The following RBFOX1 variants were observed in gnomAD, a reference collection of about 807,000 sequenced individuals.
RBFOX1 encodes RNA binding fox-1 homolog 1, also known as RNA binding protein fox-1 homolog 1.
RBFOX1 carries 8 observed loss-of-function variants against 57.7 expected under a neutral mutation model. That is an observed-to-expected ratio of 0.14 (90% CI 0.08 to 0.25). The LOEUF (loss-of-function observed/expected upper bound fraction) is 0.25, where lower values mean the gene tolerates loss of function less well. Among genes scored for constraint, RBFOX1 ranks in the 10% least tolerant of loss-of-function variants. RBFOX1 has a pLI of 1.00. For synonymous variants in RBFOX1, 326 were observed against 222.4 expected (o/e 1.47, Z -4.15); for missense variants, 611 against 548.5 (o/e 1.11, Z -1.14).
chr16:6,472,961 G>C (rs1159625486), intron 2 of RBFOX1, among the ~76,000 whole-genome samples: 2 of 152,046 alleles, frequency 1.3e-5, no homozygotes, highest in African/African-American at 4.8e-5. Flanking sequence ...AAGAATTGTT[G>C]TAAGGAAGAT....
chr16:5,489,710 C>T (rs935837860), intron 2 of RBFOX1, among the ~76,000 whole-genome samples: 5 of 152,186 alleles, frequency 3.3e-5, no homozygotes, highest in African/African-American at 9.6e-5. Context: ...TGACCTCTCT[C>T]GGCCTTGCCA....
intron 4 of RBFOX1, among the ~76,000 whole-genome samples, chr16:6,000,106 C>G (rs976106841): frequency 1.4e-4 from 22 of 151,910 alleles, no homozygotes; most frequent in African/African-American, 5.1e-4. Context: ...AAGGCCTTAC[C>G]TCCTCCTATT....
At chr16:5,883,835 C>T (rs1273285145) in intron 4 of RBFOX1, among the ~76,000 whole-genome samples, 1 of 152,100 alleles carries the variant, frequency 6.6e-6, no homozygotes, top group Non-Finnish European at 1.5e-5. Context: ...TTTCTTTTCC[C>T]AGTGACCTAA....
rs564241410 is a variant in RBFOX1, at chr16:7,385,732, C to T, written c.28-132415C>T. ...GTTTGTCATGGTGGTTATTATTGTA[C>T]ATGTGAGACTTTTAGCTTTTAAGGT... is the stretch of plus-strand genomic sequence containing the variant. On this transcript the variant is annotated intron_variant, in intron 4 of 15. Coordinates refer to ENST00000550418, the MANE Select transcript of RBFOX1 (RefSeq NM_018723.4). Among the ~76,000 whole-genome samples, 21 of 152,078 alleles carry T rather than the reference C, an allele frequency of 1.4e-4. No homozygotes were observed. In the South Asian group the frequency reaches 4.1e-3, roughly 30 times the overall value.
intron 3 of RBFOX1, among the ~76,000 whole-genome samples, chr16:5,727,214 G>C (rs199881001): frequency 6.6e-6 from 1 of 152,188 alleles, no homozygotes; most frequent in Admixed American, 6.5e-5. Flanking sequence ...AGAGGTGGCA[G>C]TGAGCCAAGA....
intron 3 of RBFOX1, among the ~76,000 whole-genome samples, chr16:6,967,204 C>T (rs115484588): frequency 6.6e-6 from 1 of 151,966 alleles, no homozygotes; most frequent in Non-Finnish European, 1.5e-5. Context: ...ATACATTGAT[C>T]CATCTCTCCA....
intron 3 of RBFOX1, among the ~76,000 whole-genome samples, chr16:5,794,431 A>T (rs73530008): frequency 0.024 from 3,598 of 152,090 alleles, 138 homozygotes; most frequent in African/African-American, 0.08. Flanking sequence ...GCACTGTGTG[A>T]TCTATAAAAT....
chr16:5,330,043 C>T (rs1473075451), intron 1 of RBFOX1, among the ~76,000 whole-genome samples: 1 of 151,822 alleles, frequency 6.6e-6, no homozygotes, highest in African/African-American at 2.4e-5. Context: ...TTGCCGTGTC[C>T]TCACATGGTA....
chr16:6,607,102 G>A (rs1216042040), intron 2 of RBFOX1, among the ~76,000 whole-genome samples: 3 of 152,038 alleles, frequency 2.0e-5, no homozygotes. Context: ...CAAACCTACT[G>A]ACTAATAGTC....
At chr16:5,989,092 G>C (rs1218803196) in intron 4 of RBFOX1, among the ~76,000 whole-genome samples, 4 of 151,744 alleles carry the variant, frequency 2.6e-5, no homozygotes, top group Non-Finnish European at 5.9e-5. Context: ...AGGCCGAGGC[G>C]GGTGGATCAC....
At chr16:5,859,755 G>A (rs769430268) in intron 3 of RBFOX1, among the ~76,000 whole-genome samples, 42 of 152,204 alleles carry the variant, frequency 2.8e-4, no homozygotes, top group Non-Finnish European at 5.0e-4. Flanking sequence ...ATAAAATTAT[G>A]GAATCAGAGA....
intron 3 of RBFOX1, among the ~76,000 whole-genome samples, chr16:6,901,611 A>G (rs1188810889): frequency 1.3e-5 from 2 of 152,226 alleles, no homozygotes; most frequent in South Asian, 2.1e-4. Flanking sequence ...GGGGAAAAAT[A>G]GACATTTTTG....
intron 2 of RBFOX1, among the ~76,000 whole-genome samples, chr16:6,504,002 C>G (rs1036283383): frequency 6.6e-6 from 1 of 152,162 alleles, no homozygotes; most frequent in African/African-American, 2.4e-5. Flanking sequence ...TAAGAGCAGC[C>G]TTCTATTTGC....
intron 2 of RBFOX1, among the ~76,000 whole-genome samples, chr16:6,492,975 G>A (rs1429847216): frequency 2.0e-5 from 3 of 152,186 alleles, no homozygotes; most frequent in Non-Finnish European, 4.4e-5. Context: ...GACTAAGAGA[G>A]GGGCAGGGAA....
At chr16:7,129,650 C>CA (rs1191476279) in intron 4 of RBFOX1, among the ~76,000 whole-genome samples, 1 of 151,936 alleles carries the variant, frequency 6.6e-6, no homozygotes, top group Non-Finnish European at 1.5e-5. Flanking sequence ...ATAATGTGGA[C>CA]ATTAGGAAGA....
Position 7,529,796 on chromosome 16 carries a change from G to A in RBFOX1, c.270+11407G>A, listed in dbSNP as rs2079561925. ...GGCTGAGACGGGCAGATCACTTGAG[G>A]TCAGGAGTTCGAGACCAGCCTAGTC... is the stretch of plus-strand genomic sequence containing the variant. On this transcript the variant is annotated intron_variant, in intron 5 of 15. Transcript: ENST00000550418. Among the ~76,000 whole-genome samples, 3 of 152,122 alleles carry A rather than the reference G, an allele frequency of 2.0e-5. No homozygotes were observed. The South Asian group carries it at 6.2e-4, about 32-fold the overall frequency.
chr16:5,389,656 G>A (rs1018868775), intron 1 of RBFOX1, among the ~76,000 whole-genome samples: 1 of 151,042 alleles, frequency 6.6e-6, no homozygotes, highest in African/African-American at 2.4e-5. Context: ...CTTTTTTGCT[G>A]CTTCTCTTCC....
chr16:6,923,855 G>T (rs998106757), intron 3 of RBFOX1, among the ~76,000 whole-genome samples: 1 of 152,016 alleles, frequency 6.6e-6, no homozygotes, highest in African/African-American at 2.4e-5. Context: ...GAGTGTATTA[G>T]TCCATGCTGC....
chr16:5,842,465 T>C (rs561879808), intron 3 of RBFOX1, among the ~76,000 whole-genome samples: 1 of 152,318 alleles, frequency 6.6e-6, no homozygotes, highest in Admixed American at 6.5e-5. Flanking sequence ...CAAGCATGTA[T>C]TAAGCACCTA....
Sources: allele counts gnomAD v4.1 joint callset (sites outside exome capture counted in the v4.1 genomes callset), GRCh38; gene constraint gnomAD v4.1.1; transcripts MANE v1.5; gene names NCBI Gene and HGNC (gene_info 2026-07-23, HGNC 2026-07-21).